Variants in SMURF2 observed in about 807,000 individuals in gnomAD.
SMURF2 encodes E3 ubiquitin-protein ligase SMURF2.
SMURF2 carries 48 observed loss-of-function variants against 109.6 expected under a neutral mutation model. The observed-to-expected ratio is 0.44, with a 90% CI of 0.35 to 0.56. The LOEUF is 0.56. Ranked by LOEUF, SMURF2 falls within the 20% of genes least tolerant of loss-of-function variation. SMURF2 has a pLI of 0.01. For synonymous variants in SMURF2, 288 were observed against 317.1 expected, an observed-to-expected ratio of 0.91 and a Z score of 0.97; for missense variants, 575 against 909.0, an observed-to-expected ratio of 0.63 and a Z score of 4.72.
Position 64,578,568 on chromosome 17 carries a change from T to A in SMURF2, c.781A>T (p.Thr261Ser). ...PDLPEGYEQRTTQQGQVYFLH... is the reference protein window; with the variant it reads ...PDLPEGYEQRSTQQGQVYFLH... ...AAATACACCTGGCCTTGTTGCGTTG[T>A]CCTCTGTTCTGTAAAATTAATAAAC... The change falls in exon 9 of 19, where the codon ACA becomes TCA. Residue 261 changes from threonine to serine, a missense_variant. Transcript: ENST00000262435. 1 of 1,611,512 alleles carries A rather than the reference T, an allele frequency of 6.2e-7. No homozygotes were observed. The highest frequency in any genetic ancestry group is 8.5e-7 in the Non-Finnish European group (1 of 1,177,666).
At chr17:64,562,245 A>G (rs1555684566) in intron 11 of SMURF2, among the ~76,000 whole-genome samples, 1 of 122,650 alleles carries the variant, frequency 8.2e-6, no homozygotes, top group Non-Finnish European at 1.6e-5. Context: ...GTGAGCTGAG[A>G]TTGCGTCACT....
intron 11 of SMURF2, among the ~76,000 whole-genome samples, chr17:64,561,929 G>A (rs1239007228): frequency 6.6e-6 from 1 of 152,034 alleles, no homozygotes; most frequent in Non-Finnish European, 1.5e-5. Context: ...GAGCCCAGGA[G>A]TTCAAGGCTA....
At chr17:64,586,665 C>T (rs745581057) in intron 5 of SMURF2, among the ~76,000 whole-genome samples, 5 of 147,882 alleles carry the variant, frequency 3.4e-5, no homozygotes, top group Admixed American at 6.9e-5. Context: ...GCAGGAGAAT[C>T]GCTTGAACCT....
At chr17:64,596,788 C>T (rs765833116) in intron 3 of SMURF2, among the ~76,000 whole-genome samples, 4 of 151,898 alleles carry the variant, frequency 2.6e-5, no homozygotes, top group Admixed American at 1.3e-4. Context: ...ACTGACAGAA[C>T]TGAATATATG....
intron 1 of SMURF2, chr17:64,660,848 G>A (rs763617162): frequency 5.9e-5 from 9 of 152,164 alleles, no homozygotes; most frequent in African/African-American, 1.7e-4. Flanking sequence ...CTCCTAAAAC[G>A]GGGGTGGCAT....
At chr17:64,611,573 C>G (rs1448333628) in intron 1 of SMURF2, among the ~76,000 whole-genome samples, 1 of 152,138 alleles carries the variant, frequency 6.6e-6, no homozygotes, top group Non-Finnish European at 1.5e-5. Context: ...GACATCCTGA[C>G]AATTACAATT....
In SMURF2 at chr17:64,630,977, G is replaced by A. The variant is rs560045094; in HGVS notation, c.53-24337C>T. On this transcript the variant is annotated intron_variant, in intron 1 of 18. Coordinates refer to ENST00000262435, the MANE Select transcript of SMURF2 (RefSeq NM_022739.4). The stretch of plus-strand genomic sequence containing the variant: ...ATCCTCCCTAAGAGCAGCTTCATAA[G>A]AGTAGTGGGCAAAGGCTGGGTTAGT... 8.1e-4 allele frequency among the ~76,000 whole-genome samples: 123 copies of A among 151,986 alleles called. No homozygotes were observed. In the South Asian group the frequency reaches 0.01, roughly 13 times the overall value.
At chr17:64,579,084 T>C (rs1555686308) in intron 8 of SMURF2, among the ~76,000 whole-genome samples, 2 of 152,170 alleles carry the variant, frequency 1.3e-5, no homozygotes, top group African/African-American at 4.8e-5. Flanking sequence ...ACAGATGAGA[T>C]ACTGGGGAGA....
intron 1 of SMURF2, among the ~76,000 whole-genome samples, chr17:64,644,582 G>A (rs1263658760): frequency 7.3e-6 from 1 of 136,288 alleles, no homozygotes; most frequent in Non-Finnish European, 1.5e-5. Context: ...GGTGACAAGA[G>A]CAAGACTCTG....
At chr17:64,566,580 T>TTTTTTTTTTTTTG in intron 10 of SMURF2, among the ~76,000 whole-genome samples, 1 of 114,738 alleles carries the variant, frequency 8.7e-6, no homozygotes, top group South Asian at 3.4e-4. Flanking sequence ...TTTTTTTTTT[T>TTTTTTTTTTTTTG]TTTTTTTTTT....
intron 1 of SMURF2, among the ~76,000 whole-genome samples, chr17:64,631,943 T>C (rs1970353230): frequency 8.1e-6 from 1 of 123,960 alleles, no homozygotes; most frequent in South Asian, 2.9e-4. Flanking sequence ...AGTATTATTC[T>C]AAGACTCTCT....
At chr17:64,570,476 TTC>T (rs1179821327) in intron 10 of SMURF2, among the ~76,000 whole-genome samples, 3 of 152,232 alleles carry the variant, frequency 2.0e-5, no homozygotes, top group South Asian at 2.1e-4. Context: ...AGTTTTCCTG[TTC>T]TCTCTTTTCC....
chr17:64,593,335 T>C, intron 4 of SMURF2, 105 bp downstream of exon 4: 1 of 911,008 alleles, frequency 1.1e-6, no homozygotes, highest in Admixed American at 3.9e-5. Context: ...TAAATATATA[T>C]TTGAGGATAC....
At chr17:64,649,489 C>T (rs1322089377) in intron 1 of SMURF2, among the ~76,000 whole-genome samples, 1 of 152,022 alleles carries the variant, frequency 6.6e-6, no homozygotes, top group Non-Finnish European at 1.5e-5. Context: ...TATAGTTAAT[C>T]GGTTAAATGG....
chr17:64,617,016 A>G lies in SMURF2; in HGVS notation c.53-10376T>C, dbSNP rs1286796319. ...GAATCACCTGAGCCTGCAGTAAGCC[A>G]TGTTCACACCACTGCACTCTAGCCT... On this transcript the variant is annotated intron_variant, in intron 1 of 18. Coordinates refer to ENST00000262435, the MANE Select transcript of SMURF2 (RefSeq NM_022739.4). Among the ~76,000 whole-genome samples the G allele has an allele frequency of 2.8e-5, 4 of 142,384 alleles. No individual in the cohort carries two copies. In the Admixed American group the frequency reaches 3.0e-4, roughly 11 times the overall value. 93.4% of individuals were successfully genotyped at this position (142,384 alleles called of 152,430 possible). A position where few individuals can be genotyped will look rare whatever the true frequency, so the allele number is the denominator to read the frequency against.
intron 1 of SMURF2, among the ~76,000 whole-genome samples, chr17:64,628,998 AG>A (rs1244956407): frequency 6.6e-6 from 1 of 152,184 alleles, no homozygotes; most frequent in African/African-American, 2.4e-5. Flanking sequence ...AAAGAAAGCC[AG>A]GCTGTTGTTT....
intron 2 of SMURF2, among the ~76,000 whole-genome samples, chr17:64,602,857 G>A (rs182721493): frequency 2.0e-4 from 31 of 152,076 alleles, no homozygotes; most frequent in African/African-American, 7.0e-4. Flanking sequence ...CCTGGGAGGC[G>A]GAGGTTGCAG....
intron 1 of SMURF2, among the ~76,000 whole-genome samples, chr17:64,653,876 G>A (rs75917078): frequency 0.05 from 7,635 of 152,204 alleles, 315 homozygotes; most frequent in Admixed American, 0.14. Flanking sequence ...ACAAATTGGT[G>A]TACAATGCAG....
intron 1 of SMURF2, among the ~76,000 whole-genome samples, chr17:64,612,732 C>T (rs1272220568): frequency 1.3e-5 from 2 of 151,696 alleles, no homozygotes; most frequent in Non-Finnish European, 2.9e-5. Flanking sequence ...TTAAAACATA[C>T]TTATCCGGTC....
Sources: gnomAD v4.1 joint callset for allele counts (sites outside exome capture counted in the v4.1 genomes callset) on GRCh38, gnomAD v4.1.1 for gene constraint, MANE v1.5 for transcripts, NCBI Gene and HGNC (gene_info 2026-07-23, HGNC 2026-07-21) for gene names.